Variants in TMEM232 observed in about 807,000 individuals in gnomAD.
TMEM232 encodes the protein transmembrane protein 232.
Under a neutral mutation model 78.8 loss-of-function variants are expected in TMEM232, and 80 were observed. That is an observed-to-expected ratio of 1.01 (90% confidence interval 0.85 to 1.22). The LOEUF is 1.22. Ranked by LOEUF, TMEM232 falls within the 50% of genes most tolerant of loss-of-function variation. TMEM232 has a pLI of 0.00. For missense variants in TMEM232, 881 were observed against 742.2 expected (o/e 1.19, Z -2.17); for synonymous variants, 297 against 254.3 (o/e 1.17, Z -1.60).
At chr5:110,561,020 A>G (rs768152628) in intron 11 of TMEM232, among the ~76,000 whole-genome samples, 9 of 152,204 alleles carry the variant, frequency 5.9e-5, no homozygotes, top group Non-Finnish European at 8.8e-5. Flanking sequence ...AAGAATCAGA[A>G]CAAAGAAAAA....
intron 8 of TMEM232, among the ~76,000 whole-genome samples, chr5:110,614,633 A>G (rs1782708995): frequency 6.6e-6 from 1 of 152,092 alleles, no homozygotes; most frequent in Non-Finnish European, 1.5e-5. Context: ...TATACTTTTT[A>G]TCTGGTAATT....
At chr5:110,676,780 AC>A (rs1792086333) in intron 1 of TMEM232, among the ~76,000 whole-genome samples, 1 of 147,718 alleles carries the variant, frequency 6.8e-6, no homozygotes, top group East Asian at 2.0e-4. Context: ...TATTTAATAT[AC>A]GGAGTTTCAC....
intron 11 of TMEM232, among the ~76,000 whole-genome samples, chr5:110,555,968 G>A (rs80317109): frequency 0.051 from 7,706 of 152,124 alleles, 433 homozygotes; most frequent in East Asian, 0.26. Flanking sequence ...AAGTGGGGTA[G>A]TTAGTCCATT....
intron 11 of TMEM232, among the ~76,000 whole-genome samples, chr5:110,552,919 T>C (rs1433603538): frequency 6.6e-6 from 1 of 152,062 alleles, no homozygotes; most frequent in Non-Finnish European, 1.5e-5. Flanking sequence ...TTTTTGTGTA[T>C]GGTATAAGGA....
intron 3 of TMEM232, among the ~76,000 whole-genome samples, chr5:110,393,939 C>T (rs879230020): frequency 9.9e-6 from 1 of 100,546 alleles, no homozygotes; most frequent in Admixed American, 1.3e-4. Context: ...GCCTAGGTGA[C>T]AAGAGTGAAA....
chr5:110,546,306 T>C (rs772190865), intron 11 of TMEM232, among the ~76,000 whole-genome samples: 12 of 152,116 alleles, frequency 7.9e-5, no homozygotes, highest in Non-Finnish European at 1.8e-4. Flanking sequence ...TAGGAATGGA[T>C]TTACCACTGT....
intron 3 of TMEM232, among the ~76,000 whole-genome samples, chr5:110,393,098 T>C (rs1755262891): frequency 6.6e-6 from 1 of 152,178 alleles, no homozygotes; most frequent in South Asian, 2.1e-4. Flanking sequence ...GAGTATAATA[T>C]GTTGGGGGAA....
chr5:110,593,795 A>G (rs1779821917), intron 10 of TMEM232, among the ~76,000 whole-genome samples: 2 of 152,254 alleles, frequency 1.3e-5, no homozygotes, highest in South Asian at 2.1e-4. Context: ...AATTTCTTGT[A>G]CTTTTACAAA....
intron 8 of TMEM232, among the ~76,000 whole-genome samples, chr5:110,614,899 C>G (rs1345811193): frequency 1.3e-5 from 2 of 151,842 alleles, no homozygotes; most frequent in Non-Finnish European, 2.9e-5. Context: ...TTTTTAGGAG[C>G]TCTGTATTAA....
intron 11 of TMEM232, among the ~76,000 whole-genome samples, chr5:110,543,079 C>T (rs1398969395): frequency 6.6e-6 from 1 of 152,064 alleles, no homozygotes; most frequent in African/African-American, 2.4e-5. Flanking sequence ...TTTGTTTGTG[C>T]ATTTTGTCCA....
intron 5 of TMEM232, among the ~76,000 whole-genome samples, chr5:110,634,664 C>T (rs776242175): frequency 5.3e-5 from 8 of 151,304 alleles, no homozygotes; most frequent in African/African-American, 1.5e-4. Flanking sequence ...AAAATGAAAG[C>T]ACAATATACT....
chr5:110,606,482 T>C (rs953158205), intron 8 of TMEM232, among the ~76,000 whole-genome samples, 195 bp from the exon 9 acceptor site: 15 of 152,102 alleles, frequency 9.9e-5, no homozygotes, highest in African/African-American at 3.6e-4. Flanking sequence ...TTTGGTAATA[T>C]GTTTGAGTTC....
intron 2 of TMEM232, among the ~76,000 whole-genome samples, chr5:110,660,210 G>T (rs1301932619): frequency 6.6e-6 from 1 of 151,938 alleles, no homozygotes; most frequent in Non-Finnish European, 1.5e-5. Context: ...TTAAATAAAT[G>T]ACATTACAAT....
Position 110,553,116 on chromosome 5 carries a change from C to A in TMEM232, c.1455+15331G>T, listed in dbSNP as rs1046427454. Among the ~76,000 whole-genome samples the A allele has an allele frequency of 7.9e-5, 12 of 152,066 alleles. 1 individual carries two copies. Among genetic ancestry groups the A allele is most frequent in the African/African-American group, 2.9e-4 (12 of 41,400 alleles). ...CTATGTGTCTGTTTTTGTACCAGTA[C>A]CATGCTGTTTTGGTTACTGTAGCCT... On this transcript the variant is annotated intron_variant, in intron 11 of 13. Coordinates refer to ENST00000455884, the MANE Select transcript of TMEM232 (RefSeq NM_001039763.4).
intron 1 of TMEM232, among the ~76,000 whole-genome samples, chr5:110,674,701 C>A (rs1791801214): frequency 6.6e-6 from 1 of 152,200 alleles, no homozygotes; most frequent in African/African-American, 2.4e-5. Flanking sequence ...AAAAGAGTCA[C>A]AGACTACACA....
chr5:110,605,058 A>G, intron 10 of TMEM232, 51 bp downstream of exon 10: 1 of 1,453,220 alleles, frequency 6.9e-7, no homozygotes, highest in Non-Finnish European at 9.2e-7. Flanking sequence ...CTATATGTAG[A>G]CAGTGACACT....
chr5:110,606,362 A>G, intron 8 of TMEM232, 75 bp from the exon 9 acceptor site: 1 of 1,390,852 alleles, frequency 7.2e-7, no homozygotes, highest in Non-Finnish European at 9.6e-7. Flanking sequence ...AATGTGAAAA[A>G]ATGAAATAGG....
chr5:110,571,262 C>T (rs1776908797), intron 10 of TMEM232, among the ~76,000 whole-genome samples: 2 of 151,976 alleles, frequency 1.3e-5, no homozygotes, highest in African/African-American at 4.8e-5. Context: ...CAACAAAGTA[C>T]CTACAACATA....
rs202026258 is a variant in TMEM232, at chr5:110,490,728, GAATAT to G, written c.1703+37855_1703+37859del. Among the ~76,000 whole-genome samples the G allele has an allele frequency of 6.7e-3, 1,020 of 152,100 alleles. 19 individuals are homozygous for G. The highest frequency in any genetic ancestry group is 0.023 in the African/African-American group (944 of 41,512). ...ACAAAGGTGCCAAGACAATTGAAAG[GAATAT>G]AAAATTCAATAAATAGTGCAAGGAC... is the stretch of plus-strand genomic sequence containing the variant. On this transcript the variant is annotated intron_variant, in intron 12 of 13. Coordinates refer to ENST00000455884, the MANE Select transcript of TMEM232 (RefSeq NM_001039763.4).
Sources: gnomAD v4.1 joint callset for allele counts (sites outside exome capture counted in the v4.1 genomes callset) on GRCh38, gnomAD v4.1.1 for gene constraint, MANE v1.5 for transcripts, NCBI Gene and HGNC (gene_info 2026-07-23, HGNC 2026-07-21) for gene names.